SCFD2: variants seen among roughly 807,000 people sequenced by gnomAD.
SCFD2 encodes sec1 family domain containing 2, also known as sec1 family domain-containing protein 2.
SCFD2 carries 54 observed loss-of-function variants against 58.9 expected under a neutral mutation model. The observed-to-expected ratio is 0.92, with a 90% CI of 0.74 to 1.15. The LOEUF is 1.15. Among genes scored for constraint, SCFD2 ranks in the 50% most tolerant of loss-of-function variants. The probability of loss-of-function intolerance (pLI) is 0.00; values close to 1 mark genes in which losing one functional copy is unlikely to be tolerated. For synonymous variants in SCFD2, 321 were observed against 335.9 expected, an observed-to-expected ratio of 0.96 and a Z score of 0.49; for missense variants, 805 against 836.6, an observed-to-expected ratio of 0.96 and a Z score of 0.47.
chr4:53,321,801 A>G (rs1295313902), intron 2 of SCFD2, among the ~76,000 whole-genome samples: 2 of 152,238 alleles, frequency 1.3e-5, no homozygotes, highest in African/African-American at 2.4e-5. Flanking sequence ...TAGAAGCAAA[A>G]GCAGCTAAGT....
rs192929551 is a variant in SCFD2, at chr4:52,893,388, A to G, written c.1843-7522T>C. Among the ~76,000 whole-genome samples, 11 of 152,290 alleles carry G rather than the reference A, an allele frequency of 7.2e-5. No homozygotes were observed. In the East Asian group the frequency reaches 2.1e-3, roughly 29 times the overall value. On this transcript the variant is annotated intron_variant, in intron 7 of 8. Coordinates refer to ENST00000401642, the MANE Select transcript of SCFD2 (RefSeq NM_152540.4). ...CCTGTCTTGTTTTTCTTATATGAAC[A>G]ATGTGGAATGGGACTAGATGACCTC...
intron 4 of SCFD2, among the ~76,000 whole-genome samples, chr4:53,236,908 A>T (rs1729639850): frequency 6.6e-6 from 1 of 151,774 alleles, no homozygotes; most frequent in Admixed American, 6.6e-5. Context: ...GCAGGGTCAT[A>T]GGACAATAGT....
At chr4:53,032,438 A>C (rs1722637856) in intron 5 of SCFD2, among the ~76,000 whole-genome samples, 1 of 152,204 alleles carries the variant, frequency 6.6e-6, no homozygotes, top group Admixed American at 6.5e-5. Context: ...CACACATAAC[A>C]ATATTAACCT....
intron 7 of SCFD2, among the ~76,000 whole-genome samples, chr4:52,901,296 C>G (rs1028013041): frequency 6.6e-6 from 1 of 152,220 alleles, no homozygotes; most frequent in Non-Finnish European, 1.5e-5. Context: ...ACCCCCGGCT[C>G]TTGATCCACT....
intron 5 of SCFD2, among the ~76,000 whole-genome samples, chr4:52,973,938 T>C (rs925891981): frequency 3.3e-5 from 5 of 152,228 alleles, no homozygotes; most frequent in Non-Finnish European, 7.3e-5. Flanking sequence ...TCTCAATAGA[T>C]GCAGAAAAAG....
chr4:52,879,205 G>A (rs1011547476), intron 8 of SCFD2, among the ~76,000 whole-genome samples: 2 of 152,284 alleles, frequency 1.3e-5, no homozygotes, highest in African/African-American at 4.8e-5. Flanking sequence ...AGAGCACCCC[G>A]CAGTGCTCAG....
chr4:53,302,395 G>A (rs940216420), intron 3 of SCFD2, among the ~76,000 whole-genome samples: 1 of 152,122 alleles, frequency 6.6e-6, no homozygotes, highest in Admixed American at 6.6e-5. Flanking sequence ...AACTTACAAG[G>A]ATGTGAAGGA....
intron 5 of SCFD2, among the ~76,000 whole-genome samples, chr4:52,977,455 G>A (rs555711608): frequency 3.9e-5 from 6 of 152,212 alleles, no homozygotes; most frequent in African/African-American, 1.4e-4. Context: ...TTCATGGGAA[G>A]AGGGACAAAA....
At chr4:53,285,993 A>G (rs570005794) in intron 3 of SCFD2, among the ~76,000 whole-genome samples, 1 of 152,246 alleles carries the variant, frequency 6.6e-6, no homozygotes, top group South Asian at 2.1e-4. Flanking sequence ...TCTTGAAACT[A>G]GAGCCTCTGC....
At chr4:53,346,225 T>A (rs1734054824) in intron 2 of SCFD2, among the ~76,000 whole-genome samples, 1 of 151,950 alleles carries the variant, frequency 6.6e-6, no homozygotes, top group South Asian at 2.1e-4. Context: ...AGATAAGGCT[T>A]TTCATGGATT....
intron 4 of SCFD2, among the ~76,000 whole-genome samples, chr4:53,202,873 T>C (rs1407163546): frequency 6.6e-6 from 1 of 152,218 alleles, no homozygotes; most frequent in Non-Finnish European, 1.5e-5. Flanking sequence ...TGCACATTGA[T>C]TTTGTATCCT....
intron 4 of SCFD2, among the ~76,000 whole-genome samples, chr4:53,234,238 A>T (rs939215525): frequency 2.0e-5 from 3 of 152,336 alleles, no homozygotes; most frequent in Middle Eastern, 3.4e-3. Context: ...TGCTCAATAC[A>T]TTGTTATTAC....
At chr4:52,978,029 A>G (rs1468383811) in intron 5 of SCFD2, among the ~76,000 whole-genome samples, 2 of 152,222 alleles carry the variant, frequency 1.3e-5, no homozygotes, top group Non-Finnish European at 2.9e-5. Context: ...AGAGATTTAA[A>G]CAAAATAGAC....
At chr4:52,903,291 G>A (rs984957600) in intron 7 of SCFD2, among the ~76,000 whole-genome samples, 4 of 152,154 alleles carry the variant, frequency 2.6e-5, no homozygotes, top group African/African-American at 9.7e-5. Flanking sequence ...GAGCGAGTGG[G>A]CTGCTGCTTC....
intron 5 of SCFD2, among the ~76,000 whole-genome samples, chr4:52,969,055 G>A (rs1721031433): frequency 6.6e-6 from 1 of 152,178 alleles, no homozygotes; most frequent in Admixed American, 6.5e-5. Flanking sequence ...CCCAGGTGAT[G>A]TCCAATCACC....
In SCFD2 at chr4:53,173,651, C is replaced by T. The variant is rs556593511; in HGVS notation, c.1312-28069G>A. On this transcript the variant is annotated intron_variant, in intron 4 of 8. Transcript: ENST00000401642. ...TTGTTGTCTGGTTGTTTTCTAGATA[C>T]TTTATTTCTTTCTTCTCCTGTTCCT... is the stretch of plus-strand genomic sequence containing the variant. 8.0e-4 allele frequency among the ~76,000 whole-genome samples: 122 copies of T among 152,168 alleles called. No homozygotes were observed. In the Middle Eastern group the frequency reaches 0.027, roughly 34 times the overall value.
At chr4:53,144,414 TG>T (rs1228240673) in intron 5 of SCFD2, among the ~76,000 whole-genome samples, 3 of 149,536 alleles carry the variant, frequency 2.0e-5, no homozygotes, top group Non-Finnish European at 4.4e-5. Context: ...TGTATATATA[TG>T]GACTTATATA....
intron 4 of SCFD2, among the ~76,000 whole-genome samples, chr4:53,243,354 C>A (rs1729960802): frequency 6.6e-6 from 1 of 151,994 alleles, no homozygotes; most frequent in Non-Finnish European, 1.5e-5. Context: ...AAATTCCAAC[C>A]AAGAGTTTCA....
chr4:52,938,086 C>T (rs923438200), intron 5 of SCFD2, among the ~76,000 whole-genome samples: 1 of 152,180 alleles, frequency 6.6e-6, no homozygotes, highest in Non-Finnish European at 1.5e-5. Context: ...CTGCATCACA[C>T]TTCCTCTGCA....
Sources: gnomAD v4.1 joint callset for allele counts (sites outside exome capture counted in the v4.1 genomes callset) on GRCh38, gnomAD v4.1.1 for gene constraint, MANE v1.5 for transcripts, NCBI Gene and HGNC (gene_info 2026-07-23, HGNC 2026-07-21) for gene names.